SPRED2: variants seen among roughly 807,000 people sequenced by gnomAD.
SPRED2 encodes sprouty related EVH1 domain containing 2, also known as sprouty-related, EVH1 domain-containing protein 2.
A neutral mutation model predicts 43.0 loss-of-function variants in SPRED2; 47 were observed. The ratio of observed to expected loss-of-function variants is 1.09; its 90% confidence interval spans 0.87 to 1.40. SPRED2 has a LOEUF of 1.40. Ranked by LOEUF, SPRED2 falls within the 40% of genes most tolerant of loss-of-function variation. SPRED2 has a pLI of 0.00. For missense variants in SPRED2, 561 were observed against 586.4 expected (o/e 0.96, Z 0.45); for synonymous variants, 225 against 225.7 (o/e 1.00, Z 0.03).
At chr2:65,345,712 G>GT (rs1558661934) in intron 1 of SPRED2, among the ~76,000 whole-genome samples, 2 of 152,190 alleles carry the variant, frequency 1.3e-5, no homozygotes, top group African/African-American at 4.8e-5. Context: ...ATGAAATCAC[G>GT]TATCTAGGTA....
At chr2:65,308,665 C>T, downstream of SPRED2, 1 of 684,428 alleles carries the variant, frequency 1.5e-6, no homozygotes, top group African/African-American at 1.9e-5. Flanking sequence ...ATTTAACCTT[C>T]ACGCCAGCTG....
Position 65,310,875 on chromosome 2 carries a change from C to CACGGT in SPRED2, c.*2621_*2625dup, listed in dbSNP as rs1475455720. On this transcript the variant is annotated 3_prime_UTR_variant, in exon 6 of 6. Coordinates refer to ENST00000356388, the MANE Select transcript of SPRED2 (RefSeq NM_181784.3). ...ATCTGATAGGATGTGTTTATATTTACACGGTACATTTTAAAGCAATGGCTA... is the reference window on the plus strand; with the variant it reads ...ATCTGATAGGATGTGTTTATATTTACACGGTACGGTACATTTTAAAGCAATGGCTA... The CACGGT allele has an allele frequency of 4.9e-5, 48 of 985,478 alleles. No individual in the cohort carries two copies. The highest frequency in any genetic ancestry group is 5.7e-5 in the Non-Finnish European group (47 of 829,774). 61.0% of individuals were successfully genotyped at this position (985,478 alleles called of 1,614,324 possible). A position where few individuals can be genotyped will look rare whatever the true frequency, so the allele number is the denominator to read the frequency against.
At chr2:65,392,925 C>T (rs61003323) in intron 1 of SPRED2, among the ~76,000 whole-genome samples, 6,434 of 152,172 alleles carry the variant, frequency 0.042, 463 homozygotes, top group African/African-American at 0.15. Context: ...CAGCACGGGA[C>T]CATGGATCCG....
At chr2:65,431,311 C>A (rs143918918) in intron 1 of SPRED2, among the ~76,000 whole-genome samples, 2,345 of 151,568 alleles carry the variant, frequency 0.015, 30 homozygotes, top group Non-Finnish European at 0.026. Context: ...CCGCAGGACG[C>A]GTGTGCCGGC....
At chr2:65,308,103 C>T (rs999901190), downstream of SPRED2, among the ~76,000 whole-genome samples, 1 of 152,232 alleles carries the variant, frequency 6.6e-6, no homozygotes, top group African/African-American at 2.4e-5. Context: ...GGGGTGTCCA[C>T]CATTCAGGGA....
intron 1 of SPRED2, among the ~76,000 whole-genome samples, chr2:65,364,287 G>A (rs1038140845): frequency 5.9e-5 from 9 of 152,208 alleles, no homozygotes; most frequent in Non-Finnish European, 8.8e-5. Flanking sequence ...GAGAAGAACC[G>A]GACTGGGCTC....
intron 1 of SPRED2, among the ~76,000 whole-genome samples, chr2:65,393,780 C>A (rs913189222): frequency 5.9e-5 from 9 of 152,148 alleles, no homozygotes; most frequent in African/African-American, 2.2e-4. Flanking sequence ...ACTAGGGAAA[C>A]ATGAACTATT....
chr2:65,314,249 T>A, intron 5 of SPRED2, 80 bp from the exon 6 acceptor site: 10 of 1,342,488 alleles, frequency 7.4e-6, no homozygotes, highest in Non-Finnish European at 1.0e-5. Flanking sequence ...ACCTTCTCCC[T>A]CCCTAGCCGT....
At chr2:65,407,706 G>A (rs1393074545) in intron 1 of SPRED2, among the ~76,000 whole-genome samples, 3 of 152,118 alleles carry the variant, frequency 2.0e-5, no homozygotes, top group Non-Finnish European at 2.9e-5. Context: ...CCGTGGAGAC[G>A]CGGTATCCAC....
rs989034181 is a variant in SPRED2, at chr2:65,386,199, C to T, written c.27-41303G>A. ...ACTCGGGAGGCTGAGGCAGGAGAATCGCTTGAACCCGGGAGATGGAGGTTG... is the reference window on the plus strand; with the variant it reads ...ACTCGGGAGGCTGAGGCAGGAGAATTGCTTGAACCCGGGAGATGGAGGTTG... On this transcript the variant is annotated intron_variant, in intron 1 of 5. Coordinates refer to ENST00000356388, the MANE Select transcript of SPRED2 (RefSeq NM_181784.3). 8.0e-5 allele frequency among the ~76,000 whole-genome samples: 12 copies of T among 149,282 alleles called. No individual in the cohort carries two copies. The South Asian group carries it at 1.5e-3, about 19-fold the overall frequency.
intron 4 of SPRED2, among the ~76,000 whole-genome samples, chr2:65,323,031 G>A (rs1217449671): frequency 6.6e-6 from 1 of 152,208 alleles, no homozygotes; most frequent in South Asian, 2.1e-4. Flanking sequence ...GTCTCGCTCT[G>A]TCGCCCAGGC....
chr2:65,337,055 C>T (rs1248939060), intron 2 of SPRED2, among the ~76,000 whole-genome samples: 5 of 152,064 alleles, frequency 3.3e-5, no homozygotes, highest in African/African-American at 1.2e-4. Context: ...TTGCAGTGGG[C>T]CGAGATCGTG....
intron 5 of SPRED2, among the ~76,000 whole-genome samples, chr2:65,314,559 T>C (rs1673181802): frequency 6.6e-6 from 1 of 152,194 alleles, no homozygotes; most frequent in South Asian, 2.1e-4. Flanking sequence ...CAGAGTATCT[T>C]CCGCCTCCCT....
At chr2:65,404,205 C>A (rs1245904539) in intron 1 of SPRED2, among the ~76,000 whole-genome samples, 77 of 135,872 alleles carry the variant, frequency 5.7e-4, no homozygotes, top group Middle Eastern at 3.8e-3. Context: ...GACTCCGTCT[C>A]AAAAAAAAAA....
intron 1 of SPRED2, among the ~76,000 whole-genome samples, chr2:65,423,876 G>A (rs987068619): frequency 2.6e-5 from 4 of 151,228 alleles, no homozygotes; most frequent in Non-Finnish European, 5.9e-5. Context: ...CATAACCTCC[G>A]CCTCCCAGGT....
intron 1 of SPRED2, among the ~76,000 whole-genome samples, chr2:65,394,710 G>A (rs1675714394): frequency 6.6e-6 from 1 of 152,132 alleles, no homozygotes; most frequent in South Asian, 2.1e-4. Context: ...TAGGAGCCAT[G>A]AGGGGTTTTG....
At chr2:65,322,266 CTCTCTATA>C (rs1222071580) in intron 4 of SPRED2, among the ~76,000 whole-genome samples, 753 of 44,418 alleles carry the variant, frequency 0.017, 7 homozygotes, top group East Asian at 0.025. Context: ...CTCTCTCTCT[CTCTCTATA>C]TATATATATA....
chr2:65,333,841 C>T (rs935325355), intron 3 of SPRED2, among the ~76,000 whole-genome samples: 1 of 152,224 alleles, frequency 6.6e-6, no homozygotes, highest in African/African-American at 2.4e-5. Context: ...CTTCAGAACA[C>T]TTTTATTTCT....
intron 1 of SPRED2, among the ~76,000 whole-genome samples, chr2:65,366,317 C>CAACAACAAT: frequency 6.6e-6 from 1 of 152,012 alleles, no homozygotes; most frequent in East Asian, 1.9e-4. Context: ...ACAACAACAA[C>CAACAACAAT]AACAACAAAA....
Sources: gnomAD v4.1 joint callset for allele counts (sites outside exome capture counted in the v4.1 genomes callset) on GRCh38, gnomAD v4.1.1 for gene constraint, MANE v1.5 for transcripts, NCBI Gene and HGNC (gene_info 2026-07-23, HGNC 2026-07-21) for gene names.